GPN2: variants seen among roughly 807,000 people sequenced by gnomAD.
The protein encoded by GPN2 is GPN-loop GTPase 2, also known as ATP-binding domain 1 family member B.
GPN2 carries 27 observed loss-of-function variants against 30.1 expected under a neutral mutation model. That is an observed-to-expected ratio of 0.90 (90% CI 0.66 to 1.24). The LOEUF (loss-of-function observed/expected upper bound fraction) is 1.24, where lower values mean the gene tolerates loss of function less well. Ranked by LOEUF, GPN2 falls within the 50% of genes most tolerant of loss-of-function variation. The pLI is 0.00. For synonymous variants in GPN2, 212 were observed against 174.4 expected (o/e 1.22, Z -1.70); for missense variants, 406 against 405.4 (o/e 1.00, Z -0.01).
At chr1:26,885,571 G>A (rs1321460220) in intron 3 of GPN2, among the ~76,000 whole-genome samples, 1 of 148,862 alleles carries the variant, frequency 6.7e-6, no homozygotes, top group African/African-American at 2.5e-5. Context: ...CCAGGGCAAA[G>A]ACCACTCTTT....
chr1:26,882,217 CAA>C (rs1159136555), intron 4 of GPN2, among the ~76,000 whole-genome samples: 13 of 54,564 alleles, frequency 2.4e-4, no homozygotes, highest in Admixed American at 2.1e-4. Flanking sequence ...CGGTCCGTCT[CAA>C]AAAAAAAAAA....
chr1:26,884,500 T>C (rs1216675940), intron 3 of GPN2, among the ~76,000 whole-genome samples: 1 of 152,162 alleles, frequency 6.6e-6, no homozygotes, highest in Non-Finnish European at 1.5e-5. Context: ...CCCCTATGCA[T>C]ATCCACAGTC....
rs1445907138 is a variant in GPN2, at chr1:26,879,485, G to T, written c.*192C>A. ...CCAGAGCTCACGGACACCACTGACA[G>T]TATGGGGGGTGTTCTGCTTGGCACC... On this transcript the variant is annotated 3_prime_UTR_variant, in exon 5 of 5. Coordinates refer to ENST00000374135, the MANE Select transcript of GPN2 (RefSeq NM_018066.4). 1.7e-6 allele frequency: 1 copy of T among 605,034 alleles called. No homozygotes were observed. Among genetic ancestry groups the T allele is most frequent in the Non-Finnish European group, 3.0e-6 (1 of 332,152 alleles). The allele number at this position is 605,034 out of a possible 1,614,324, so 37.5% of individuals were successfully genotyped here.
chr1:26,881,252 A>C (rs1323818695), intron 4 of GPN2, among the ~76,000 whole-genome samples: 2 of 152,208 alleles, frequency 1.3e-5, no homozygotes, highest in Non-Finnish European at 2.9e-5. Context: ...AATACACATA[A>C]CCTACCACAC....
chr1:26,882,077 C>T (rs1237957570), intron 4 of GPN2, among the ~76,000 whole-genome samples: 3 of 151,934 alleles, frequency 2.0e-5, no homozygotes, highest in Non-Finnish European at 4.4e-5. Flanking sequence ...ATTAGCTGAG[C>T]GTGGTGGCGG....
At chr1:26,887,037 T>C (rs1167345745) in intron 2 of GPN2, among the ~76,000 whole-genome samples, 3 of 147,342 alleles carry the variant, frequency 2.0e-5, no homozygotes, top group Admixed American at 6.8e-5. Flanking sequence ...TGATAACAAG[T>C]ATGTACCAAG....
At chr1:26,880,719 A>G (rs1418962805) in intron 4 of GPN2, among the ~76,000 whole-genome samples, 1 of 152,150 alleles carries the variant, frequency 6.6e-6, no homozygotes, top group Non-Finnish European at 1.5e-5. Context: ...TCCCACCTTT[A>G]ACTCCCAAAG....
At chr1:26,882,453 C>G (rs2081869309) in intron 4 of GPN2, among the ~76,000 whole-genome samples, 1 of 152,134 alleles carries the variant, frequency 6.6e-6, no homozygotes, top group Non-Finnish European at 1.5e-5. Context: ...GACGCAGCTC[C>G]TTAGTACCTT....
At chr1:26,888,799 C>T (rs574057782) in intron 2 of GPN2, 170 bp downstream of exon 2, 28 of 672,340 alleles carry the variant, frequency 4.2e-5, no homozygotes, top group Middle Eastern at 4.2e-4. Context: ...AAATCTACAA[C>T]GGTAACTAGC....
At chr1:26,882,184 T>TCCAACTGGGGCAACAAGATTGA (rs2081867652) in intron 4 of GPN2, among the ~76,000 whole-genome samples, 1 of 135,146 alleles carries the variant, frequency 7.4e-6, no homozygotes, top group Admixed American at 8.0e-5. Context: ...ACCATTGCAC[T>TCCAACTGGGGCAACAAGATTGA]CCAACTGGGG....
At chr1:26,888,065 G>T (rs1291437618) in intron 2 of GPN2, among the ~76,000 whole-genome samples, 2 of 149,062 alleles carry the variant, frequency 1.3e-5, no homozygotes, top group African/African-American at 5.0e-5. Flanking sequence ...TCTCCATGTT[G>T]GTCAAGCTGG....
At chr1:26,885,878 C>T (rs577493115) in intron 3 of GPN2, 95 bp downstream of exon 3, 16 of 1,007,154 alleles carry the variant, frequency 1.6e-5, no homozygotes, top group Middle Eastern at 3.2e-4. Flanking sequence ...CGCGCCCAGC[C>T]GGCAAAGACC....
chr1:26,882,515 C>G (rs923004487), intron 4 of GPN2, among the ~76,000 whole-genome samples: 2 of 152,140 alleles, frequency 1.3e-5, no homozygotes, highest in African/African-American at 4.8e-5. Context: ...TTCCTCCAAC[C>G]CCGACCCCAT....
intron 4 of GPN2, among the ~76,000 whole-genome samples, chr1:26,881,172 G>A (rs1195843656): frequency 6.6e-6 from 1 of 152,122 alleles, no homozygotes; most frequent in Non-Finnish European, 1.5e-5. Context: ...GATGCTCCTT[G>A]ACTTATGATG....
In GPN2 at chr1:26,878,279, T is replaced by C. The variant is rs2124290058; in HGVS notation, c.*1398A>G. 6.6e-6 allele frequency: 1 copy of C among 152,288 alleles called. No homozygotes were observed. Among genetic ancestry groups the C allele is most frequent in the Middle Eastern group, 3.4e-3 (1 of 294 alleles). The allele number at this position is 152,288 out of a possible 1,614,324, so 9.4% of individuals were successfully genotyped here. A position where few individuals can be genotyped will look rare whatever the true frequency, so the allele number is the denominator to read the frequency against. ...ATATTATATAATTAATATTTTTCTT[T>C]ACACAACTTACTATTTTTTTTTGAG... On this transcript the variant is annotated 3_prime_UTR_variant, in exon 5 of 5. Transcript: ENST00000374135.
chr1:26,886,000 A>T lies in GPN2; in HGVS notation c.702T>A (p.Leu234=). 6.2e-7 allele frequency: 1 copy of T among 1,613,612 alleles called. No homozygotes were observed. Among genetic ancestry groups the T allele is most frequent in the Non-Finnish European group, 8.5e-7 (1 of 1,179,578 alleles). Residue 234 remains leucine, a synonymous_variant, in exon 3 of 5, where the codon CTT becomes CTA. Transcript: ENST00000374135. ...KLVQLIEDYS[L]VSFIPLNIQD... ...GGATGTTGAGAGGGATAAAGGAGACAAGGCTATAGTCTTCGATGAGCTGCA... is the reference window on the plus strand; with the variant it reads ...GGATGTTGAGAGGGATAAAGGAGACTAGGCTATAGTCTTCGATGAGCTGCA...
intron 4 of GPN2, among the ~76,000 whole-genome samples, chr1:26,880,389 C>T (rs1045628374): frequency 3.3e-5 from 5 of 152,164 alleles, no homozygotes; most frequent in South Asian, 4.1e-4. Flanking sequence ...CTCGGCTCAC[C>T]GCAACCTCCA....
intron 2 of GPN2, 90 bp downstream of exon 2, chr1:26,888,879 G>T (rs2081904999): frequency 7.6e-7 from 1 of 1,309,614 alleles, no homozygotes; most frequent in South Asian, 1.3e-5. Context: ...GACCACGCAA[G>T]GCACCAGAGG....
Position 26,889,083 on chromosome 1 carries a change from G to A in GPN2, c.454C>T (p.Pro152Ser). 1 of 1,613,904 alleles carries A rather than the reference G, an allele frequency of 6.2e-7. No homozygotes were observed. The highest frequency in any genetic ancestry group is 8.5e-7 in the Non-Finnish European group (1 of 1,179,778). Residue 152 changes from proline (P) to serine (S), a missense_variant, in exon 2 of 5, where the codon CCT (proline) becomes TCT (serine). By Grantham distance (74) the Pro-to-Ser change is moderately conservative (BLOSUM62 -1). Coordinates refer to ENST00000374135, the MANE Select transcript of GPN2 (RefSeq NM_018066.4). ...HLVDSHYCTDPAKFISVLCTS... is the reference protein window; with the variant it reads ...HLVDSHYCTDSAKFISVLCTS... ...CACAGTACTGAAATGAACTTGGCAG[G>A]GTCTGTGCAGTAGTGAGAATCCACG... is the stretch of plus-strand genomic sequence containing the variant.
Sources: allele counts gnomAD v4.1 joint callset (sites outside exome capture counted in the v4.1 genomes callset), GRCh38; gene constraint gnomAD v4.1.1; transcripts MANE v1.5; gene names NCBI Gene and HGNC (gene_info 2026-07-23, HGNC 2026-07-21).